Variants in SAXO1 observed in about 807,000 individuals in gnomAD.
SAXO1 encodes the protein stabilizer of axonemal microtubules 1.
Under a neutral mutation model 17.5 loss-of-function variants are expected in SAXO1, and 21 were observed. That is an observed-to-expected ratio of 1.20 (90% CI 0.85 to 1.72). The LOEUF is 1.72. Ranked by LOEUF, SAXO1 falls within the 40% of genes most tolerant of loss-of-function variation. The probability of loss-of-function intolerance (pLI) is 0.00; values close to 1 mark genes in which losing one functional copy is unlikely to be tolerated. For missense variants in SAXO1, 843 were observed against 596.0 expected (o/e 1.41, Z -4.32); for synonymous variants, 274 against 216.5 (o/e 1.27, Z -2.33).
chr9:19,010,088 C>A lies in SAXO1; in HGVS notation c.38+22783G>T, dbSNP rs554949631. 7.2e-5 allele frequency among the ~76,000 whole-genome samples: 11 copies of A among 152,110 alleles called. No individual in the cohort carries two copies. In the South Asian group the frequency reaches 1.9e-3, roughly 26 times the overall value. ...AAGGGATCCACCAGCCTTGGCCTCC[C>A]AAAGTGCTGGGATTTCAGGCGTGAG... On this transcript the variant is annotated intron_variant, in intron 1 of 3. Coordinates refer to ENST00000380534, the MANE Select transcript of SAXO1 (RefSeq NM_153707.4).
chr9:18,966,873 C>T (rs556004660), intron 1 of SAXO1, among the ~76,000 whole-genome samples: 4 of 152,308 alleles, frequency 2.6e-5, no homozygotes, highest in South Asian at 4.1e-4. Flanking sequence ...TCCTTACCTT[C>T]GTGGATTTAT....
rs1482088565 is a variant in SAXO1, at chr9:18,928,753, G to A, written c.724C>T (p.Gln242Ter). The A allele has an allele frequency of 6.2e-7, 1 of 1,614,172 alleles. No individual in the cohort carries two copies. The change falls in exon 4 of 4, where the codon CAA (glutamine) becomes TAA (stop). Residue 242 changes from glutamine to a stop codon, truncating the protein, a stop_gained. Coordinates refer to ENST00000380534, the MANE Select transcript of SAXO1 (RefSeq NM_153707.4). LOFTEE classifies it low-confidence loss of function (END_TRUNC). ...TCCCCCATCAGGCCCCGGTAGGATT[G>A]TTTTTGAGTGGTAAGGCTTTCAAAG... Reference protein sequence around the residue: ...IPFESLTTQKQSYRGLMGEPA... With the variant: ...IPFESLTTQK
chr9:18,953,217 A>T (rs1832109884), intron 1 of SAXO1, among the ~76,000 whole-genome samples: 3 of 152,214 alleles, frequency 2.0e-5, no homozygotes, highest in African/African-American at 2.4e-5. Context: ...AGTTTCAGGC[A>T]CTTATAATAA....
intron 1 of SAXO1, among the ~76,000 whole-genome samples, chr9:19,023,941 C>A (rs1284583574): frequency 1.4e-5 from 2 of 139,888 alleles, no homozygotes; most frequent in African/African-American, 5.4e-5. Flanking sequence ...GAGTTTGAGA[C>A]TAACCTAGGC....
At chr9:18,943,951 G>C (rs7029051) in intron 2 of SAXO1, among the ~76,000 whole-genome samples, 1 of 152,110 alleles carries the variant, frequency 6.6e-6, no homozygotes, top group Non-Finnish European at 1.5e-5. Flanking sequence ...GGATGCCGCA[G>C]AAACCTCCCT....
intron 1 of SAXO1, among the ~76,000 whole-genome samples, chr9:19,009,831 C>CTTTTTT (rs34704836): frequency 4.8e-5 from 7 of 146,154 alleles, no homozygotes; most frequent in Non-Finnish European, 9.0e-5. Context: ...TTGGGGTTTT[C>CTTTTTT]TTTTTTTTTT....
Position 18,969,888 on chromosome 9 carries a change from A to G in SAXO1, c.39-18951T>C, listed in dbSNP as rs77518489. 3.3e-3 allele frequency among the ~76,000 whole-genome samples: 499 copies of G among 152,366 alleles called. 4 individuals carry two copies. Among genetic ancestry groups the G allele is most frequent in the African/African-American group, 0.011 (469 of 41,588 alleles). The stretch of plus-strand genomic sequence containing the variant: ...CAATGGGGTTAAGAACCTGCTCAAT[A>G]TCATAGAACAGTCCATTTTAAAACC... On this transcript the variant is annotated intron_variant, in intron 1 of 3. Coordinates refer to ENST00000380534, the MANE Select transcript of SAXO1 (RefSeq NM_153707.4).
At chr9:19,048,639 G>T (rs1836278427) in intron 1 of SAXO1, among the ~76,000 whole-genome samples, 1 of 152,218 alleles carries the variant, frequency 6.6e-6, no homozygotes, top group Admixed American at 6.5e-5. Flanking sequence ...ATAGACCGCA[G>T]CAAGATTGTC....
At chr9:18,958,598 C>T (rs1267771716) in intron 1 of SAXO1, among the ~76,000 whole-genome samples, 11 of 151,928 alleles carry the variant, frequency 7.2e-5, no homozygotes, top group South Asian at 2.1e-4. Context: ...AACTAGCAGT[C>T]GCTGCCTGAG....
intron 1 of SAXO1, among the ~76,000 whole-genome samples, chr9:18,960,694 A>T (rs554183687): frequency 1.3e-5 from 2 of 152,258 alleles, no homozygotes; most frequent in Admixed American, 1.3e-4. Flanking sequence ...AAGGCAAAAG[A>T]CACATGAGTC....
In SAXO1 at chr9:18,957,086, G is replaced by T. The variant is rs376896550; in HGVS notation, c.39-6149C>A. Among the ~76,000 whole-genome samples, 441 of 152,250 alleles carry T rather than the reference G, an allele frequency of 2.9e-3. 7 individuals are homozygous for T. In the South Asian group the frequency reaches 0.043, roughly 15 times the overall value. ...TCTGGCTGCTCCGATAAACCTAAGG[G>T]CAGCAATAAATAGTATGTCTGCCCT... is the stretch of plus-strand genomic sequence containing the variant. On this transcript the variant is annotated intron_variant, in intron 1 of 3. Transcript: ENST00000380534.
At chr9:18,947,869 A>G (rs1304177333) in intron 2 of SAXO1, 1 of 152,216 alleles carries the variant, frequency 6.6e-6, no homozygotes, top group Admixed American at 6.5e-5. Context: ...ATCATGCCTC[A>G]CGCTGGGATG....
intron 1 of SAXO1, among the ~76,000 whole-genome samples, chr9:19,024,012 CTTTTTTTTT>C (rs71333077): frequency 0.012 from 476 of 38,130 alleles, 5 homozygotes; most frequent in African/African-American, 0.05. Context: ...CTCTTTAAGG[CTTTTTTTTT>C]TTTTTTTTTT....
chr9:18,961,820 T>C (rs370028999), intron 1 of SAXO1, among the ~76,000 whole-genome samples: 4 of 152,152 alleles, frequency 2.6e-5, no homozygotes, highest in African/African-American at 7.2e-5. Flanking sequence ...GTCTTTATAG[T>C]AGAATGATGT....
At chr9:19,020,932 C>T (rs1835206968) in intron 1 of SAXO1, among the ~76,000 whole-genome samples, 1 of 152,206 alleles carries the variant, frequency 6.6e-6, no homozygotes, top group African/African-American at 2.4e-5. Context: ...TCCACCTAAC[C>T]TAATATTGTC....
intron 1 of SAXO1, among the ~76,000 whole-genome samples, chr9:18,988,077 A>G (rs1311758760): frequency 3.9e-5 from 6 of 152,176 alleles, no homozygotes; most frequent in East Asian, 1.9e-4. Context: ...TTTTACTAGC[A>G]TCTGCTTAAC....
chr9:18,959,519 C>T (rs1563944443), intron 1 of SAXO1, among the ~76,000 whole-genome samples: 1 of 152,046 alleles, frequency 6.6e-6, no homozygotes, highest in Non-Finnish European at 1.5e-5. Flanking sequence ...GCCTGTAATC[C>T]CAGCACTATA....
In SAXO1 at chr9:19,033,001, G is replaced by A. The variant is rs1482613072; in HGVS notation, c.-93C>T. ...ACCACCTGTCTTGGGGCACGCCCAGGCTCGAGGGTCTTGGCAGGTGTTCTG... is the reference window on the plus strand; with the variant it reads ...ACCACCTGTCTTGGGGCACGCCCAGACTCGAGGGTCTTGGCAGGTGTTCTG... On this transcript the variant is annotated 5_prime_UTR_variant, in exon 1 of 4. Transcript: ENST00000380534. The A allele has an allele frequency of 5.2e-6, 7 of 1,349,030 alleles. No individual in the cohort carries two copies. Among genetic ancestry groups the A allele is most frequent in the East Asian group, 2.6e-5 (1 of 38,432 alleles). The allele number at this position is 1,349,030 out of a possible 1,614,324, so 83.6% of individuals were successfully genotyped here. A position where few individuals can be genotyped will look rare whatever the true frequency, so the allele number is the denominator to read the frequency against.
intron 1 of SAXO1, among the ~76,000 whole-genome samples, chr9:18,994,334 G>T (rs1265916598): frequency 6.6e-6 from 1 of 152,182 alleles, no homozygotes; most frequent in Admixed American, 6.5e-5. Flanking sequence ...AGATGGATGG[G>T]TTAAAGTTAC....
Sources: gnomAD v4.1 joint callset for allele counts (sites outside exome capture counted in the v4.1 genomes callset) on GRCh38, gnomAD v4.1.1 for gene constraint, MANE v1.5 for transcripts, NCBI Gene and HGNC (gene_info 2026-07-23, HGNC 2026-07-21) for gene names.